Variants in TNIK observed in about 807,000 individuals in gnomAD.
TNIK encodes TRAF2 and NCK-interacting protein kinase.
TNIK carries 49 observed loss-of-function variants against 191.3 expected under a neutral mutation model. The observed-to-expected ratio is 0.26, with a 90% CI of 0.20 to 0.32. TNIK has a LOEUF of 0.32. Ranked by LOEUF, TNIK falls within the 10% of genes least tolerant of loss-of-function variation. TNIK has a pLI of 1.00. For synonymous variants in TNIK, 594 were observed against 600.9 expected (o/e 0.99, Z 0.17); for missense variants, 1,155 against 1,702.3 (o/e 0.68, Z 5.66).
intron 2 of TNIK, among the ~76,000 whole-genome samples, chr3:171,325,832 T>C (rs1396373488): frequency 6.6e-6 from 1 of 152,198 alleles, no homozygotes; most frequent in African/African-American, 2.4e-5. Flanking sequence ...AGGTACATAG[T>C]ACTCGGGGGA....
intron 9 of TNIK, among the ~76,000 whole-genome samples, chr3:171,172,714 G>C (rs1159303136): frequency 6.6e-6 from 1 of 152,102 alleles, no homozygotes; most frequent in Non-Finnish European, 1.5e-5. Context: ...CTAGCAATCA[G>C]GTTACTTTTC....
At chr3:171,314,738 A>G (rs1407826305) in intron 2 of TNIK, among the ~76,000 whole-genome samples, 1 of 152,146 alleles carries the variant, frequency 6.6e-6, no homozygotes, top group Non-Finnish European at 1.5e-5. Context: ...AAAACACAAT[A>G]AAACGATAGA....
intron 2 of TNIK, among the ~76,000 whole-genome samples, chr3:171,346,492 G>A (rs532236900): frequency 4.6e-5 from 7 of 152,256 alleles, no homozygotes; most frequent in African/African-American, 1.4e-4. Context: ...GTAGGTCTGT[G>A]CTAGTTACTG....
At chr3:171,249,550 C>T (rs1560320188) in intron 2 of TNIK, among the ~76,000 whole-genome samples, 1 of 152,134 alleles carries the variant, frequency 6.6e-6, no homozygotes, top group Non-Finnish European at 1.5e-5. Context: ...TCCTGGGCAG[C>T]CCTTAGGACA....
At chr3:171,437,942 A>G (rs1381251640) in intron 1 of TNIK, among the ~76,000 whole-genome samples, 2 of 152,244 alleles carry the variant, frequency 1.3e-5, no homozygotes, top group Admixed American at 1.3e-4. Context: ...TATCCACGCC[A>G]TGAGGCGGCA....
At chr3:171,450,800 T>G (rs745476369) in intron 1 of TNIK, among the ~76,000 whole-genome samples, 13 of 152,228 alleles carry the variant, frequency 8.5e-5, no homozygotes, top group Non-Finnish European at 1.5e-4. Flanking sequence ...TGATATTTAT[T>G]CAATCAACAT....
At chr3:171,316,392 A>G (rs948249660) in intron 2 of TNIK, among the ~76,000 whole-genome samples, 1 of 152,184 alleles carries the variant, frequency 6.6e-6, no homozygotes, top group African/African-American at 2.4e-5. Flanking sequence ...TAGTAGGGAT[A>G]TAGAAGGTTT....
At chr3:171,401,347 G>C (rs1367545812) in intron 1 of TNIK, among the ~76,000 whole-genome samples, 5 of 152,090 alleles carry the variant, frequency 3.3e-5, no homozygotes, top group Admixed American at 3.3e-4. Context: ...CTACTGAACG[G>C]TCCTCTTCAG....
chr3:171,441,540 T>C (rs934852462), intron 1 of TNIK, among the ~76,000 whole-genome samples: 1 of 152,224 alleles, frequency 6.6e-6, no homozygotes, highest in Non-Finnish European at 1.5e-5. Context: ...CTACACTTTG[T>C]TTACCTATCC....
At chr3:171,124,992 CT>C (rs1362243657) in intron 17 of TNIK, among the ~76,000 whole-genome samples, 4 of 152,008 alleles carry the variant, frequency 2.6e-5, no homozygotes, top group Non-Finnish European at 5.9e-5. Context: ...AAATTATCAG[CT>C]TTTTTTATTT....
Position 171,175,263 on chromosome 3 carries a change from C to T in TNIK, c.762G>A (p.Lys254=). 2 of 1,612,690 alleles carry T rather than the reference C, an allele frequency of 1.2e-6. No homozygotes were observed. The highest frequency in any genetic ancestry group is 1.7e-6 in the Non-Finnish European group (2 of 1,179,486). ...AAGACCAAACTCACCACTTCTTAGA[C>T]TTCAGCCGAGGCGCTGGGTTCCGGG... ...LIPRNPAPRL[K]SKKWSKKFQS... The change falls in exon 9 of 33, where the codon AAG becomes AAA. Residue 254 remains lysine, a synonymous_variant. Coordinates refer to ENST00000436636, the MANE Select transcript of TNIK (RefSeq NM_015028.4).
chr3:171,174,350 C>T (rs1052169789), intron 9 of TNIK, among the ~76,000 whole-genome samples: 1 of 151,948 alleles, frequency 6.6e-6, no homozygotes, highest in Non-Finnish European at 1.5e-5. Context: ...GGTCTCACTG[C>T]CCAGGACTTA....
At chr3:171,337,325 A>T (rs1162500575) in intron 2 of TNIK, among the ~76,000 whole-genome samples, 1 of 152,228 alleles carries the variant, frequency 6.6e-6, no homozygotes, top group African/African-American at 2.4e-5. Flanking sequence ...TGCTTCCTGG[A>T]CAGAGGAAGT....
intron 1 of TNIK, among the ~76,000 whole-genome samples, chr3:171,378,187 T>C (rs1435648995): frequency 1.3e-5 from 2 of 152,194 alleles, no homozygotes; most frequent in Non-Finnish European, 2.9e-5. Context: ...CTAGTTTCTT[T>C]TTTTCCTACT....
At position 171,347,391 on chromosome 3, in the gene TNIK, T is replaced by TCACACACACA. The variant is rs150384769; in HGVS notation, c.123+22219_123+22228dup. Among the ~76,000 whole-genome samples, 80 of 146,172 alleles carry TCACACACACA rather than the reference T, an allele frequency of 5.5e-4. No individual in the cohort carries two copies. The South Asian group carries it at 6.7e-3, about 12-fold the overall frequency. ...CTGGCCCTCAGCTGAGAAGTGCCTA[T>TCACACACACA]CACACACACACACACACACACACAC... On this transcript the variant is annotated intron_variant, in intron 2 of 32. Transcript: ENST00000436636.
chr3:171,300,495 C>T (rs1226856586), intron 2 of TNIK, among the ~76,000 whole-genome samples: 1 of 151,882 alleles, frequency 6.6e-6, no homozygotes, highest in Non-Finnish European at 1.5e-5. Flanking sequence ...ATAAGACCTA[C>T]AAATATGCTG....
At chr3:171,425,928 G>A (rs932860768) in intron 1 of TNIK, among the ~76,000 whole-genome samples, 1 of 152,032 alleles carries the variant, frequency 6.6e-6, no homozygotes, top group African/African-American at 2.4e-5. Context: ...AGCATGTGGA[G>A]AAATAGGAAC....
At position 171,087,401 on chromosome 3, in the gene TNIK, G is replaced by A; in HGVS notation, c.2827C>T (p.Pro943Ser). Residue 943 changes from proline (P) to serine (S), a missense_variant, in exon 24 of 33, where the codon CCG becomes TCG. Coordinates refer to ENST00000436636, the MANE Select transcript of TNIK (RefSeq NM_015028.4). ...GAGACGCGCCCCAGTCCCTCAGTCG[G>A]GGTTCCAGCTGGAGAATGGCTCTGC... ...VQQSHSPAGT[P>S]TEGLGRVSTH... The A allele has an allele frequency of 6.2e-7, 1 of 1,613,938 alleles. No homozygotes were observed.
chr3:171,092,089 A>T (rs1415907685), intron 23 of TNIK, among the ~76,000 whole-genome samples: 2 of 151,602 alleles, frequency 1.3e-5, no homozygotes, highest in Non-Finnish European at 2.9e-5. Flanking sequence ...AGCTGGGACT[A>T]CAGGCGCCCG....
Sources: gnomAD v4.1 joint callset for allele counts (sites outside exome capture counted in the v4.1 genomes callset) on GRCh38, gnomAD v4.1.1 for gene constraint, MANE v1.5 for transcripts, NCBI Gene and HGNC (gene_info 2026-07-23, HGNC 2026-07-21) for gene names.